The following PRPF40B variants were observed in gnomAD, a reference collection of about 807,000 sequenced individuals.
PRPF40B encodes the protein pre-mRNA-processing factor 40 homolog B.
A neutral mutation model predicts 124.5 loss-of-function variants in PRPF40B; 56 were observed. The ratio of observed to expected loss-of-function variants is 0.45; its 90% CI spans 0.36 to 0.56. PRPF40B has a LOEUF of 0.56. Among genes scored for constraint, PRPF40B ranks in the 20% least tolerant of loss-of-function variants. The pLI is 0.00. For synonymous variants in PRPF40B, 443 were observed against 426.4 expected (o/e 1.04, Z -0.48); for missense variants, 1,053 against 1,169.5 (o/e 0.90, Z 1.45).
At chr12:49,623,848 G>A (rs1940440651) in intron 1 of PRPF40B, 2 of 1,170,644 alleles carry the variant, frequency 1.7e-6, no homozygotes, top group South Asian at 4.4e-5. Context: ...TGGGTGAAGA[G>A]TGGGATTGGG....
intron 18 of PRPF40B, chr12:49,640,009 A>G (rs1942392068): frequency 6.6e-6 from 1 of 152,250 alleles, no homozygotes; most frequent in Non-Finnish European, 1.5e-5. Context: ...ATCCTCACTG[A>G]GTCCTGTCTC....
At chr12:49,638,011 G>C (rs1304980635) in intron 18 of PRPF40B, 187 bp downstream of exon 18, 1 of 587,482 alleles carries the variant, frequency 1.7e-6, no homozygotes, top group East Asian at 2.8e-5. Flanking sequence ...GGAGCTCATG[G>C]TCTAATAGGA....
In PRPF40B at chr12:49,631,439, G is replaced by A; in HGVS notation, c.123G>A (p.Met41Ile). 7.4e-7 allele frequency: 1 copy of A among 1,343,782 alleles called. No homozygotes were observed. 83.2% of individuals were successfully genotyped at this position (1,343,782 alleles called of 1,614,324 possible). A position where few individuals can be genotyped will look rare whatever the true frequency, so the allele number is the denominator to read the frequency against. The change falls in exon 3 of 26, where the codon ATG (methionine) becomes ATA (isoleucine). Residue 41 changes from methionine (M) to isoleucine (I), a missense_variant. By Grantham distance (10) the Met-to-Ile change is conservative (BLOSUM62 1). Coordinates refer to ENST00000548825, the MANE Select transcript of PRPF40B (RefSeq NM_001031698.3). The surrounding 1 kb of genome is among the most constrained non-coding windows in gnomAD (Gnocchi z 4.3). ...GGATCCCCCCACCCTTTCCTCCGAT[G>A]GGGCTACCCCCCATGAGTCAGAGAC... ...PPGIPPPFPP[M>I]GLPPMSQRPP...
chr12:49,642,991 A>T lies in PRPF40B; in HGVS notation c.2180A>T (p.His727Leu). 1.2e-6 allele frequency: 2 copies of T among 1,613,874 alleles called. No individual in the cohort carries two copies. The highest frequency in any genetic ancestry group is 8.5e-7 in the Non-Finnish European group (1 of 1,179,890). The change falls in exon 22 of 26, where the codon CAT becomes CTT. Residue 727 changes from histidine to leucine, a missense_variant. Coordinates refer to ENST00000548825, the MANE Select transcript of PRPF40B (RefSeq NM_001031698.3). This position sits in a 1 kb window ranked among gnomAD's most constrained non-coding sequence, Gnocchi z 5.8. ...RKHGRKGKKH[H>L]HKRSHSPSGS... is the part of the protein sequence containing the mutation. ...CATGGCAGGAAAGGCAAGAAGCACC[A>T]TCACAAGCGTTCCCACTCACCCTCA...
rs750340891 is a variant in PRPF40B at position 49,642,714 on chromosome 12, T to C, written c.2118+39T>C. ...GTCCTCTGGATCTGCCTCAGGCCCT[T>C]GAACTCATTAGACCAGTTCAACAGA... On this transcript the variant is annotated intron_variant, in intron 21 of 25. Transcript: ENST00000548825. The surrounding 1 kb of genome is among the most constrained non-coding windows in gnomAD (Gnocchi z 5.8). The C allele has an allele frequency of 1.9e-6, 3 of 1,594,004 alleles. No individual in the cohort carries two copies. Among genetic ancestry groups the C allele is most frequent in the Non-Finnish European group, 2.6e-6 (3 of 1,168,476 alleles).
rs1337660062 is a variant in PRPF40B, at chr12:49,631,887, C to G, written c.256C>G (p.Pro86Ala). ...ACCAGGAATGGTACCTCCGATGATG[C>G]CAGGAATGCTGATGCCAGCGGTGCC... ...QIPGMVPPMM[P>A]GMLMPAVPVT... The change falls in exon 4 of 26, where the codon CCA becomes GCA. Residue 86 changes from proline to alanine, a missense_variant. Physicochemically the swap from Pro to Ala is conservative, Grantham distance 27. Transcript: ENST00000548825. This position sits in a 1 kb window ranked among gnomAD's most constrained non-coding sequence, Gnocchi z 4.3. 6.2e-7 allele frequency: 1 copy of G among 1,614,044 alleles called. No homozygotes were observed. The highest frequency in any genetic ancestry group is 8.5e-7 in the Non-Finnish European group (1 of 1,180,010).
At chr12:49,640,427 C>G (rs928499344) in intron 18 of PRPF40B, 2 of 152,112 alleles carry the variant, frequency 1.3e-5, no homozygotes, top group Admixed American at 6.5e-5. Context: ...GAGGGTGTGA[C>G]CTGGAGAGGG....
chr12:49,630,569 C>A lies in PRPF40B; in HGVS notation c.28C>A (p.Pro10Thr), dbSNP rs1178697865. The A allele has an allele frequency of 7.2e-7, 1 of 1,395,546 alleles. No homozygotes were observed. Among genetic ancestry groups the A allele is most frequent in the Non-Finnish European group, 1.0e-6 (1 of 989,870 alleles). The allele number at this position is 1,395,546 out of a possible 1,614,324, so 86.4% of individuals were successfully genotyped here. A position where few individuals can be genotyped will look rare whatever the true frequency, so the allele number is the denominator to read the frequency against. Residue 10 changes from proline to threonine, a missense_variant, in exon 2 of 26, where the codon CCC becomes ACC. Pro to Thr is a conservative substitution (Grantham distance 38). Transcript: ENST00000548825. Reference protein sequence around the residue: MSVPDSGPRPPAAPAPFPPG... With the variant: MSVPDSGPRTPAAPAPFPPG... ...GTCGGTTCCCGATTCTGGTCCCCGG[C>A]CCCCAGCAGCGCCTGCCCCCTTCCC...
chr12:49,634,853 G>A lies in PRPF40B; in HGVS notation c.1002-246G>A, dbSNP rs958847388. ...GGAATTGAATTAATTGGGGAATGAGGGTGCTGGATAGGGTGACTTGAGAAC... is the reference window on the plus strand; with the variant it reads ...GGAATTGAATTAATTGGGGAATGAGAGTGCTGGATAGGGTGACTTGAGAAC... On this transcript the variant is annotated intron_variant, in intron 12 of 25. Transcript: ENST00000548825. The A allele has an allele frequency of 1.3e-5, 8 of 632,994 alleles. No individual in the cohort carries two copies. The African/African-American group carries it at 1.5e-4, about 12-fold the overall frequency. 39.2% of individuals were successfully genotyped at this position (632,994 alleles called of 1,614,324 possible). A position where few individuals can be genotyped will look rare whatever the true frequency, so the allele number is the denominator to read the frequency against.
Position 49,631,617 on chromosome 12 carries a change from A to G in PRPF40B, c.228+73A>G. ...GCTGGGGGTGGAGATAAGAGCGGGC[A>G]TGTAGGCCTCAGAAACTGGGGAAGG... On this transcript the variant is annotated intron_variant, in intron 3 of 25. Coordinates refer to ENST00000548825, the MANE Select transcript of PRPF40B (RefSeq NM_001031698.3). The surrounding 1 kb of genome is among the most constrained non-coding windows in gnomAD (Gnocchi z 4.3). 6.7e-7 allele frequency: 1 copy of G among 1,498,730 alleles called. No individual in the cohort carries two copies. The highest frequency in any genetic ancestry group is 2.1e-5 in the Admixed American group (1 of 47,050). 92.8% of individuals were successfully genotyped at this position (1,498,730 alleles called of 1,614,324 possible).
At chr12:49,634,925 TCTTCCCCTCA>T in intron 12 of PRPF40B, 164 bp from the exon 13 acceptor site, 1 of 725,428 alleles carries the variant, frequency 1.4e-6, no homozygotes, top group Non-Finnish European at 2.2e-6. Context: ...GAGCTGCATC[TCTTCCCCTCA>T]CTTCCTGTCA....
intron 1 of PRPF40B, chr12:49,624,180 T>A: frequency 3.0e-6 from 3 of 984,710 alleles, no homozygotes; most frequent in Non-Finnish European, 3.6e-6. Context: ...GGCAAGTCAC[T>A]ACCTTTCTTT....
At chr12:49,637,066 C>T (rs1941923761) in intron 16 of PRPF40B, 3 of 691,130 alleles carry the variant, frequency 4.3e-6, no homozygotes, top group Non-Finnish European at 7.1e-6. Context: ...ATGCACCACC[C>T]AGAAACTGCC....
At chr12:49,630,442 A>C (rs1734598808) in intron 1 of PRPF40B, 103 bp from the exon 2 acceptor site, 4 of 706,238 alleles carry the variant, frequency 5.7e-6, no homozygotes, top group Non-Finnish European at 1.0e-5. Context: ...GACCCTCCTG[A>C]ATTTTGTGCT....
chr12:49,634,715 G>T, intron 12 of PRPF40B, 113 bp downstream of exon 12: 1 of 1,361,534 alleles, frequency 7.3e-7, no homozygotes, highest in South Asian at 1.3e-5. Context: ...TCAGGACAGT[G>T]ATAGATTGGG....
intron 23 of PRPF40B, 83 bp downstream of exon 23, chr12:49,643,480 G>A: frequency 6.7e-7 from 1 of 1,489,782 alleles, no homozygotes. Flanking sequence ...CAGCTCCTTT[G>A]AGGGTAGACT....
Position 49,643,225 on chromosome 12 carries a change from C to T in PRPF40B, c.2208C>T (p.Gly736=). ...CATGTATCTGCTGATCTGCCCAGGGCTCTGAGTCAGAAGAAGAGGAGCTGC... is the reference window on the plus strand; with the variant it reads ...CATGTATCTGCTGATCTGCCCAGGGTTCTGAGTCAGAAGAAGAGGAGCTGC... The part of the protein sequence containing the change: ...HHHKRSHSPS[G]SESEEEELPP... The change falls in exon 23 of 26, where the codon GGC becomes GGT. Residue 736 remains glycine (G), a splice_region_variant and synonymous_variant. Transcript: ENST00000548825. 2 of 1,614,072 alleles carry T rather than the reference C, an allele frequency of 1.2e-6. No individual in the cohort carries two copies. The highest frequency in any genetic ancestry group is 1.7e-6 in the Non-Finnish European group (2 of 1,180,016).
intron 16 of PRPF40B, 190 bp downstream of exon 16, chr12:49,637,039 C>G (rs765190928): frequency 1.3e-4 from 111 of 840,198 alleles, no homozygotes; most frequent in Non-Finnish European, 1.9e-4. Context: ...CTGTGCTCTT[C>G]TAGGGAGACT....
At chr12:49,632,362 T>A in intron 4 of PRPF40B, 1 of 580,568 alleles carries the variant, frequency 1.7e-6, no homozygotes, top group South Asian at 2.4e-5. Context: ...TCGGGAGTTG[T>A]CTCAACAAAA....
Sources: allele counts gnomAD v4.1 joint callset, GRCh38; gene constraint gnomAD v4.1.1; non-coding constraint Gnocchi (gnomAD v3.1); transcripts MANE v1.5; gene names NCBI Gene and HGNC (gene_info 2026-07-23, HGNC 2026-07-21).